The following PEX3 variants were observed in gnomAD, a reference collection of about 807,000 sequenced individuals.
PEX3 encodes the protein peroxin-3.
In PEX3, 30 loss-of-function variants were observed where a neutral mutation model predicts 55.8. The ratio of observed to expected loss-of-function variants is 0.54; its 90% CI spans 0.40 to 0.73. The LOEUF is 0.73. Ranked by LOEUF, PEX3 falls within the 30% of genes least tolerant of loss-of-function variation. The pLI is 0.00. For missense variants in PEX3, 351 were observed against 432.8 expected (o/e 0.81, Z 1.68); for synonymous variants, 135 against 148.4 (o/e 0.91, Z 0.66).
In PEX3 at chr6:143,466,708, TA is replaced by T. The variant is rs1474165310; in HGVS notation, c.288-1413del. Among the ~76,000 whole-genome samples, 1 of 152,056 alleles carries T rather than the reference TA, an allele frequency of 6.6e-6. No homozygotes were observed. The highest frequency in any genetic ancestry group is 6.6e-5 in the Admixed American group (1 of 15,248). ...ATGATTTCCACAAGATATATTGCTA[TA>T]TTTTTAAAAAGGTAAAGAAAAATGT... On this transcript the variant is annotated intron_variant, in intron 3 of 11. Coordinates refer to ENST00000367591, the MANE Select transcript of PEX3 (RefSeq NM_003630.3). This position sits in a 1 kb window ranked among gnomAD's most constrained non-coding sequence, Gnocchi z 5.4.
chr6:143,487,457 A>C lies in PEX3; in HGVS notation c.1039-1686A>C, dbSNP rs1364368890. Among the ~76,000 whole-genome samples the C allele has an allele frequency of 6.6e-6, 1 of 152,128 alleles. No individual in the cohort carries two copies. Among genetic ancestry groups the C allele is most frequent in the African/African-American group, 2.4e-5 (1 of 41,444 alleles). On this transcript the variant is annotated intron_variant, in intron 11 of 11. Coordinates refer to ENST00000367591, the MANE Select transcript of PEX3 (RefSeq NM_003630.3). The surrounding 1 kb of genome is among the most constrained non-coding windows in gnomAD (Gnocchi z 5.3). ...CCATACACCTCACATACATATGTAC[A>C]CACATATACCACAGTCCTCCAGTGT...
rs161069 is a variant in PEX3 at position 143,464,778 on chromosome 6, A to G, written c.287+1781A>G. ...ATAAGGGCTTGATCCCTTACAAAGT[A>G]TCATTAAATAAGGCCTCCAATCTTA... On this transcript the variant is annotated intron_variant, in intron 3 of 11. Transcript: ENST00000367591. The surrounding 1 kb of genome is among the most constrained non-coding windows in gnomAD (Gnocchi z 5.8). Among the ~76,000 whole-genome samples, 103,973 of 151,530 alleles carry G rather than the reference A, an allele frequency of 0.69. 36,045 individuals carry two copies. Among genetic ancestry groups the G allele is most frequent in the African/African-American group, 0.78 (32,148 of 41,406 alleles).
At chr6:143,478,779 G>A (rs1780188195) in intron 9 of PEX3, among the ~76,000 whole-genome samples, 1 of 151,886 alleles carries the variant, frequency 6.6e-6, no homozygotes, top group African/African-American at 2.4e-5. Context: ...ATGACTATAA[G>A]GAAATTTAAG....
At chr6:143,480,859 A>G (rs1780226808) in intron 10 of PEX3, among the ~76,000 whole-genome samples, 1 of 152,132 alleles carries the variant, frequency 6.6e-6, no homozygotes, top group Non-Finnish European at 1.5e-5. Flanking sequence ...CAACAAATAC[A>G]AAAATTAGCT....
At position 143,485,237 on chromosome 6, in the gene PEX3, C is replaced by A. The variant is rs773896814; in HGVS notation, c.1027C>A (p.His343Asn). ...TTCAGTTTGCAGTGAAACACCTAGT[C>A]ATTTTGTTCAGGTAAGAAGAAAGCT... ...IHSVCSETPS[H>N]FVQDLLTMEQ... The change falls in exon 11 of 12, where the codon CAT (histidine) becomes AAT (asparagine). Residue 343 changes from histidine to asparagine, a missense_variant. Coordinates refer to ENST00000367591, the MANE Select transcript of PEX3 (RefSeq NM_003630.3). The surrounding 1 kb of genome is among the most constrained non-coding windows in gnomAD (Gnocchi z 5.6). The A allele has an allele frequency of 1.3e-6, 2 of 1,563,150 alleles. No individual in the cohort carries two copies. The highest frequency in any genetic ancestry group is 3.3e-5 in the Admixed American group (2 of 59,874).
intron 1 of PEX3, among the ~76,000 whole-genome samples, chr6:143,455,526 A>G (rs774874784): frequency 2.0e-5 from 3 of 151,710 alleles, no homozygotes; most frequent in Non-Finnish European, 4.4e-5. Context: ...ATTTAGGGGT[A>G]TTTTCAAGGA....
intron 3 of PEX3, among the ~76,000 whole-genome samples, chr6:143,467,011 T>A (rs886641978): frequency 4.6e-5 from 7 of 152,028 alleles, no homozygotes; most frequent in Admixed American, 1.3e-4. Context: ...AACCTAAATA[T>A]GATTCTTGTT....
At chr6:143,484,902 G>A (rs948884297) in intron 10 of PEX3, 1 of 451,610 alleles carries the variant, frequency 2.2e-6, no homozygotes, top group South Asian at 2.2e-5. Context: ...CAAAAACAGT[G>A]TGCTTAGGAG....
intron 9 of PEX3, among the ~76,000 whole-genome samples, chr6:143,477,235 T>C (rs1389455554): frequency 6.6e-6 from 1 of 152,112 alleles, no homozygotes; most frequent in African/African-American, 2.4e-5. Context: ...ATAGACAGTA[T>C]TTAAGGGGAA....
intron 2 of PEX3, among the ~76,000 whole-genome samples, chr6:143,461,004 G>A (rs1055840965): frequency 1.2e-4 from 18 of 152,188 alleles, no homozygotes; most frequent in African/African-American, 4.3e-4. Context: ...AGATCTACTA[G>A]TAGAAATGCC....
chr6:143,485,264 G>C lies in PEX3; in HGVS notation c.1038+16G>C, dbSNP rs766910380. On this transcript the variant is annotated intron_variant, in intron 11 of 11. Transcript: ENST00000367591. This position sits in a 1 kb window ranked among gnomAD's most constrained non-coding sequence, Gnocchi z 5.6. The stretch of plus-strand genomic sequence containing the variant: ...TTTTGTTCAGGTAAGAAGAAAGCTT[G>C]GGAGTGTTATTAAAAGCAAATTATA... The C allele has an allele frequency of 1.4e-6, 2 of 1,393,202 alleles. No individual in the cohort carries two copies. The highest frequency in any genetic ancestry group is 1.7e-5 in the Admixed American group (1 of 59,614). 86.3% of individuals were successfully genotyped at this position (1,393,202 alleles called of 1,614,324 possible).
chr6:143,460,133 C>T lies in PEX3; in HGVS notation c.205+917C>T, dbSNP rs997495725. ...TAGAAACAATTTATAAAGGTACATT[C>T]TCCTTATTTAATTTTAAAATTAGAA... is the stretch of plus-strand genomic sequence containing the variant. On this transcript the variant is annotated intron_variant, in intron 2 of 11. Transcript: ENST00000367591. 1.4e-4 allele frequency among the ~76,000 whole-genome samples: 22 copies of T among 152,250 alleles called. No homozygotes were observed. In the South Asian group the frequency reaches 2.3e-3, roughly 16 times the overall value.
intron 10 of PEX3, among the ~76,000 whole-genome samples, chr6:143,484,545 A>G (rs977712913): frequency 6.6e-6 from 1 of 152,032 alleles, no homozygotes; most frequent in Non-Finnish European, 1.5e-5. Flanking sequence ...AGTAGGGGGG[A>G]AATACTCAAC....
intron 9 of PEX3, 69 bp downstream of exon 9, chr6:143,474,925 T>C: frequency 1.2e-6 from 1 of 857,346 alleles, no homozygotes; most frequent in South Asian, 1.3e-5. Context: ...ATTTTTTAGT[T>C]TTTCTTGAAC....
rs74922166 is a variant in PEX3 at position 143,476,636 on chromosome 6, G to C, written c.818+1780G>C. On this transcript the variant is annotated intron_variant, in intron 9 of 11. Transcript: ENST00000367591. This position sits in a 1 kb window ranked among gnomAD's most constrained non-coding sequence, Gnocchi z 5.4. ...CCAGTAGTACTTGTGGAATTATTTA[G>C]TGTGGGTTATGAAAGAGGAGGCAAG... Among the ~76,000 whole-genome samples, 1,464 of 152,286 alleles carry C rather than the reference G, an allele frequency of 9.6e-3. 21 individuals are homozygous for C. Among genetic ancestry groups the C allele is most frequent in the African/African-American group, 0.033 (1,382 of 41,548 alleles).
rs1780276363 is a variant in PEX3 at position 143,483,791 on chromosome 6, A to AATACATC, written c.942-1361_942-1360insATACATC. ...TTCAACAAGTATGTATTGGATGTCCACTGTACACAAGACCTTTTACTATGT... is the reference window on the plus strand; with the variant it reads ...TTCAACAAGTATGTATTGGATGTCCAATACATCCTGTACACAAGACCTTTTACTATGT... On this transcript the variant is annotated intron_variant, in intron 10 of 11. Coordinates refer to ENST00000367591, the MANE Select transcript of PEX3 (RefSeq NM_003630.3). The surrounding 1 kb of genome is among the most constrained non-coding windows in gnomAD (Gnocchi z 4.3). Among the ~76,000 whole-genome samples the AATACATC allele has an allele frequency of 6.6e-6, 1 of 152,180 alleles. No homozygotes were observed. Among genetic ancestry groups the AATACATC allele is most frequent in the South Asian group, 2.1e-4 (1 of 4,828 alleles).
At chr6:143,472,084 C>T (rs1251779080) in intron 7 of PEX3, 76 bp from the exon 8 acceptor site, 12 of 957,424 alleles carry the variant, frequency 1.3e-5, no homozygotes, top group Non-Finnish European at 1.8e-5. Flanking sequence ...TAGATAGTAG[C>T]CTGTTAAGAA....
chr6:143,453,423 G>T lies in PEX3; in HGVS notation c.73+2308G>T, dbSNP rs151071878. Among the ~76,000 whole-genome samples, 278 of 152,250 alleles carry T rather than the reference G, an allele frequency of 1.8e-3. No individual in the cohort carries two copies. Among genetic ancestry groups the T allele is most frequent in the African/African-American group, 6.2e-3 (259 of 41,536 alleles). ...AACAATTTCTGTTTCCTCAGATTTT[G>T]GGTGGGTAACTAATTGGTTTACGCG... On this transcript the variant is annotated intron_variant, in intron 1 of 11. Transcript: ENST00000367591. The surrounding 1 kb of genome is among the most constrained non-coding windows in gnomAD (Gnocchi z 4.6).
chr6:143,463,004 G>C lies in PEX3; in HGVS notation c.287+7G>C. On this transcript the variant is annotated splice_region_variant and intron_variant, in intron 3 of 11. Transcript: ENST00000367591. This position sits in a 1 kb window ranked among gnomAD's most constrained non-coding sequence, Gnocchi z 5.7. ...CAGCTCTGCTAAAAAACAGGTAAATGCAAGTTACAGCATTTTCTGTTTAAG... is the reference window on the plus strand; with the variant it reads ...CAGCTCTGCTAAAAAACAGGTAAATCCAAGTTACAGCATTTTCTGTTTAAG... 6.3e-7 allele frequency: 1 copy of C among 1,596,072 alleles called. No homozygotes were observed. Among genetic ancestry groups the C allele is most frequent in the South Asian group, 1.1e-5 (1 of 90,656 alleles).
Sources: allele counts gnomAD v4.1 joint callset (sites outside exome capture counted in the v4.1 genomes callset), GRCh38; gene constraint gnomAD v4.1.1; non-coding constraint Gnocchi (gnomAD v3.1); transcripts MANE v1.5; gene names NCBI Gene and HGNC (gene_info 2026-07-23, HGNC 2026-07-21).